The following TCEANC2 variants were observed in gnomAD, a reference collection of about 807,000 sequenced individuals.
The protein encoded by TCEANC2 is transcription elongation factor A N-terminal and central domain containing 2.
TCEANC2 carries 20 observed loss-of-function variants against 22.8 expected under a neutral mutation model. The ratio of observed to expected loss-of-function variants is 0.88; its 90% confidence interval spans 0.62 to 1.28. TCEANC2 has a LOEUF of 1.28. TCEANC2 is among the 50% of genes most tolerant of loss of function. The probability of loss-of-function intolerance (pLI) is 0.00; values close to 1 mark genes in which losing one functional copy is unlikely to be tolerated. For synonymous variants in TCEANC2, 84 were observed against 95.5 expected (o/e 0.88, Z 0.70); for missense variants, 251 against 249.7 (o/e 1.01, Z -0.03).
At chr1:54,078,732 A>C (rs774011707) in intron 3 of TCEANC2, among the ~76,000 whole-genome samples, 1 of 152,200 alleles carries the variant, frequency 6.6e-6, no homozygotes, top group African/African-American at 2.4e-5. Context: ...TTAGTAGATG[A>C]ATTCTCTAAG....
rs992537273 is a variant in TCEANC2 at position 54,101,181 on chromosome 1, C to T, written c.*4708C>T. The T allele has an allele frequency of 5.9e-5, 9 of 152,194 alleles. No individual in the cohort carries two copies. Among genetic ancestry groups the T allele is most frequent in the Non-Finnish European group, 1.2e-4 (8 of 68,046 alleles). The allele number at this position is 152,194 out of a possible 1,614,324, so 9.4% of individuals were successfully genotyped here. ...TGTAGCCTCAGGCCTCAGAACCTTA[C>T]TCTGAGATTGGTAATGTGTTTTGAA... On this transcript the variant is annotated 3_prime_UTR_variant, in exon 5 of 5. Coordinates refer to ENST00000234827, the MANE Select transcript of TCEANC2 (RefSeq NM_153035.3).
intron 3 of TCEANC2, among the ~76,000 whole-genome samples, chr1:54,082,418 T>C (rs1272727941): frequency 6.6e-6 from 1 of 152,238 alleles, no homozygotes; most frequent in East Asian, 1.9e-4. Context: ...TGTAAATGTT[T>C]TTTATTTAAC....
At chr1:54,110,859 G>A (rs976371642), downstream of TCEANC2, among the ~76,000 whole-genome samples, 3 of 152,052 alleles carry the variant, frequency 2.0e-5, no homozygotes, top group African/African-American at 4.8e-5. Context: ...TGATTGCCCC[G>A]AGGTGACTTC....
At chr1:54,090,339 T>C (rs553807447) in intron 4 of TCEANC2, among the ~76,000 whole-genome samples, 1 of 152,330 alleles carries the variant, frequency 6.6e-6, no homozygotes, top group Non-Finnish European at 1.5e-5. Context: ...TTGGCACATT[T>C]CCTTTTTTGG....
chr1:54,104,786 C>A lies in TCEANC2; in HGVS notation c.*8313C>A, dbSNP rs901417388. The A allele has an allele frequency of 2.4e-6, 1 of 418,538 alleles. No homozygotes were observed. The highest frequency in any genetic ancestry group is 4.9e-6 in the Non-Finnish European group (1 of 205,620). 25.9% of individuals were successfully genotyped at this position (418,538 alleles called of 1,614,324 possible). ...TGAACTTCTGGCCTCAAGCAGTCCACCTGCCTCAGCTTCCCAAAGTGCTGG... is the reference window on the plus strand; with the variant it reads ...TGAACTTCTGGCCTCAAGCAGTCCAACTGCCTCAGCTTCCCAAAGTGCTGG... On this transcript the variant is annotated 3_prime_UTR_variant, in exon 5 of 5. Transcript: ENST00000234827.
rs1309666308 is a variant in TCEANC2 at position 54,099,069 on chromosome 1, G to A, written c.*2596G>A. Reference sequence around the variant, plus strand: ...AAGGCGTTAGACTGATTTGAAGCAGGAACTGGTCACTTTTGTGTTAATAGG... The same window carrying A: ...AAGGCGTTAGACTGATTTGAAGCAGAAACTGGTCACTTTTGTGTTAATAGG... On this transcript the variant is annotated 3_prime_UTR_variant, in exon 5 of 5. Coordinates refer to ENST00000234827, the MANE Select transcript of TCEANC2 (RefSeq NM_153035.3). 6.6e-6 allele frequency: 1 copy of A among 152,260 alleles called. No individual in the cohort carries two copies. The highest frequency in any genetic ancestry group is 1.5e-5 in the Non-Finnish European group (1 of 68,064). 9.4% of individuals were successfully genotyped at this position (152,260 alleles called of 1,614,324 possible).
At chr1:54,091,604 A>G (rs749728505) in intron 4 of TCEANC2, among the ~76,000 whole-genome samples, 1 of 152,216 alleles carries the variant, frequency 6.6e-6, no homozygotes, top group Non-Finnish European at 1.5e-5. Context: ...CTAAAGGTGC[A>G]TCTCTTTATT....
intron 3 of TCEANC2, among the ~76,000 whole-genome samples, chr1:54,087,624 T>C (rs1235318507): frequency 6.6e-6 from 1 of 152,216 alleles, no homozygotes; most frequent in Admixed American, 6.5e-5. Context: ...TCCTTGTTTA[T>C]CTCAAAATAT....
intron 2 of TCEANC2, among the ~76,000 whole-genome samples, chr1:54,060,752 C>A (rs550960951): frequency 6.6e-6 from 1 of 151,782 alleles, no homozygotes; most frequent in African/African-American, 2.4e-5. Flanking sequence ...CCAGCCTGGC[C>A]AACATGGTGA....
chr1:54,107,920 G>A (rs996186617), downstream of TCEANC2, among the ~76,000 whole-genome samples: 4 of 152,306 alleles, frequency 2.6e-5, no homozygotes, highest in Non-Finnish European at 4.4e-5. Flanking sequence ...TTGTGAAATG[G>A]TCTCAGAGGT....
intron 3 of TCEANC2, among the ~76,000 whole-genome samples, chr1:54,088,120 T>C (rs1658374059): frequency 6.6e-6 from 1 of 152,188 alleles, no homozygotes; most frequent in African/African-American, 2.4e-5. Flanking sequence ...ATTGAATGAG[T>C]TCATCCACTG....
rs1439128451 is a variant in TCEANC2 at position 54,068,779 on chromosome 1, A to G, written c.126A>G (p.Ile42Met). 5 of 1,606,984 alleles carry G rather than the reference A, an allele frequency of 3.1e-6. No homozygotes were observed. Among genetic ancestry groups the G allele is most frequent in the East Asian group, 4.5e-5 (2 of 44,792 alleles). The change falls in exon 3 of 5, where the codon ATA becomes ATG. Residue 42 changes from isoleucine (I) to methionine (M), a missense_variant. Ile to Met is a conservative substitution (Grantham distance 10). Coordinates refer to ENST00000234827, the MANE Select transcript of TCEANC2 (RefSeq NM_153035.3). ...AGAGAGTTGTGGTTGTAGAAGACAT[A>G]AAAAGATGGAAAACTATGCTGGAGC... ...SLKRVVVVEDIKRWKTMLELP... is the reference protein window; with the variant it reads ...SLKRVVVVEDMKRWKTMLELP...
At chr1:54,092,998 G>A (rs1249357129) in intron 4 of TCEANC2, among the ~76,000 whole-genome samples, 1 of 152,204 alleles carries the variant, frequency 6.6e-6, no homozygotes, top group East Asian at 1.9e-4. Flanking sequence ...AAAGGATATT[G>A]GAGGAGTTGT....
Position 54,054,515 on chromosome 1 carries a change from A to G in TCEANC2, c.93A>G (p.Glu31=). Residue 31 remains glutamate (E), a synonymous_variant, in exon 2 of 5, where the codon GAA becomes GAG. Coordinates refer to ENST00000234827, the MANE Select transcript of TCEANC2 (RefSeq NM_153035.3). ...AGGTTTACAAGCAGGCCACGATTGAATCTCTGAAGGTGAGAGGGGATCTGG... is the reference window on the plus strand; with the variant it reads ...AGGTTTACAAGCAGGCCACGATTGAGTCTCTGAAGGTGAGAGGGGATCTGG... ...GGKVYKQATI[E]SLKRVVVVED... 1 of 1,613,152 alleles carries G rather than the reference A, an allele frequency of 6.2e-7. No individual in the cohort carries two copies. The highest frequency in any genetic ancestry group is 8.5e-7 in the Non-Finnish European group (1 of 1,179,556).
In TCEANC2 at chr1:54,054,442, G is replaced by T; in HGVS notation, c.20G>T (p.Arg7Leu). MDKFVI[R>L]TPRIQNSPQK... The stretch of plus-strand genomic sequence containing the variant: ...CTAACAATGGATAAATTCGTCATTC[G>T]AACGCCTAGAATCCAGAATAGCCCT... Residue 7 changes from arginine to leucine, a missense_variant, in exon 2 of 5, where the codon CGA (arginine) becomes CTA (leucine). Physicochemically the swap from Arg to Leu is moderately radical, Grantham distance 102 (BLOSUM62 -2). Transcript: ENST00000234827. 1 of 1,614,064 alleles carries T rather than the reference G, an allele frequency of 6.2e-7. No individual in the cohort carries two copies. The highest frequency in any genetic ancestry group is 8.5e-7 in the Non-Finnish European group (1 of 1,180,024).
intron 3 of TCEANC2, among the ~76,000 whole-genome samples, chr1:54,086,001 T>G (rs2100379206): frequency 6.6e-6 from 1 of 152,338 alleles, no homozygotes; most frequent in East Asian, 1.9e-4. Context: ...CGCAAAGTGT[T>G]GAGATTATAG....
intron 3 of TCEANC2, among the ~76,000 whole-genome samples, chr1:54,084,632 C>G (rs368012464): frequency 6.6e-6 from 1 of 151,946 alleles, no homozygotes; most frequent in Admixed American, 6.6e-5. Context: ...GAGGCCAAAG[C>G]GGGTGGACCA....
chr1:54,110,070 C>A (rs1658817591), downstream of TCEANC2, among the ~76,000 whole-genome samples: 1 of 152,140 alleles, frequency 6.6e-6, no homozygotes, highest in Admixed American at 6.5e-5. Flanking sequence ...ATCAAAGCCC[C>A]AACCACCAGG....
At chr1:54,079,208 C>T (rs1658197237) in intron 3 of TCEANC2, among the ~76,000 whole-genome samples, 1 of 152,060 alleles carries the variant, frequency 6.6e-6, no homozygotes, top group African/African-American at 2.4e-5. Flanking sequence ...TGTTTAACAA[C>T]AACAACAAAA....
Sources: gnomAD v4.1 joint callset for allele counts (sites outside exome capture counted in the v4.1 genomes callset) on GRCh38, gnomAD v4.1.1 for gene constraint, MANE v1.5 for transcripts, NCBI Gene and HGNC (gene_info 2026-07-23, HGNC 2026-07-21) for gene names.